CASQ2: variants seen among roughly 807,000 people sequenced by gnomAD.
CASQ2 encodes calsequestrin 2.
A neutral mutation model predicts 46.5 loss-of-function variants in CASQ2; 49 were observed. The ratio of observed to expected loss-of-function variants is 1.05; its 90% CI spans 0.84 to 1.34. CASQ2 has a LOEUF of 1.34. CASQ2 is among the 40% of genes most tolerant of loss of function. The probability of loss-of-function intolerance (pLI) is 0.00; values close to 1 mark genes in which losing one functional copy is unlikely to be tolerated. For synonymous variants in CASQ2, 174 were observed against 168.5 expected (o/e 1.03, Z -0.25); for missense variants, 486 against 481.3 (o/e 1.01, Z -0.09).
chr1:115,718,258 A>G (rs1442893874), intron 7 of CASQ2, among the ~76,000 whole-genome samples: 1 of 152,244 alleles, frequency 6.6e-6, no homozygotes, highest in African/African-American at 2.4e-5. Flanking sequence ...CTGGTTTATC[A>G]GGAGATCTGA....
At chr1:115,742,802 G>C (rs937368516) in intron 2 of CASQ2, among the ~76,000 whole-genome samples, 11 of 145,120 alleles carry the variant, frequency 7.6e-5, no homozygotes, top group Non-Finnish European at 1.6e-4. Flanking sequence ...TTGTTTGTTT[G>C]TTTTGAGATG....
intron 1 of CASQ2, among the ~76,000 whole-genome samples, chr1:115,749,201 A>T (rs1196623809): frequency 6.6e-6 from 1 of 152,232 alleles, no homozygotes; most frequent in Non-Finnish European, 1.5e-5. Context: ...ACATAAAATA[A>T]GAAGTTAACT....
chr1:115,715,643 A>T (rs997645578), intron 8 of CASQ2, among the ~76,000 whole-genome samples: 1 of 152,244 alleles, frequency 6.6e-6, no homozygotes, highest in African/African-American at 2.4e-5. Context: ...TGAATGTCCT[A>T]AAAACCACTG....
At chr1:115,719,346 C>T (rs1455882436) in intron 7 of CASQ2, among the ~76,000 whole-genome samples, 1 of 152,142 alleles carries the variant, frequency 6.6e-6, no homozygotes, top group Non-Finnish European at 1.5e-5. Flanking sequence ...ACAGAATATC[C>T]CGATCAGTTC....
chr1:115,762,998 T>C (rs976436575), intron 1 of CASQ2, among the ~76,000 whole-genome samples: 1 of 152,192 alleles, frequency 6.6e-6, no homozygotes, highest in South Asian at 2.1e-4. Context: ...CCAGTGCATT[T>C]ATTTAGTTGT....
chr1:115,745,354 A>G (rs9887914), intron 1 of CASQ2, among the ~76,000 whole-genome samples: 41,556 of 140,366 alleles, frequency 0.3, 6,073 homozygotes, highest in East Asian at 0.45. Context: ...CAATATCCAA[A>G]CATTGCGCTC....
At chr1:115,762,072 C>T (rs1447042151) in intron 1 of CASQ2, among the ~76,000 whole-genome samples, 1 of 152,170 alleles carries the variant, frequency 6.6e-6, no homozygotes, top group African/African-American at 2.4e-5. Context: ...CAAGTGTACA[C>T]CGGGCAGCAG....
chr1:115,738,554 T>C (rs756191498), intron 3 of CASQ2, among the ~76,000 whole-genome samples: 15 of 152,190 alleles, frequency 9.9e-5, no homozygotes, highest in Non-Finnish European at 1.9e-4. Flanking sequence ...GGGCAACCTA[T>C]TCCTTTTGCC....
chr1:115,757,591 G>A (rs1480112481), intron 1 of CASQ2, among the ~76,000 whole-genome samples: 1 of 152,124 alleles, frequency 6.6e-6, no homozygotes, highest in Non-Finnish European at 1.5e-5. Context: ...CTTGGGGTTT[G>A]GAAATGCAAC....
chr1:115,711,725 G>A (rs1034383316), intron 8 of CASQ2, among the ~76,000 whole-genome samples: 5 of 151,926 alleles, frequency 3.3e-5, no homozygotes, highest in African/African-American at 1.2e-4. Flanking sequence ...TGTGGTCTCG[G>A]CTCACTGCAA....
intron 10 of CASQ2, 111 bp from the exon 11 acceptor site, chr1:115,701,537 A>G (rs1347096740): frequency 1.3e-6 from 1 of 748,456 alleles, no homozygotes; most frequent in East Asian, 2.6e-5. Context: ...TCTTACACTT[A>G]TTAGGAACGT....
At chr1:115,705,108 G>T in intron 9 of CASQ2, 84 bp downstream of exon 9, 1 of 903,570 alleles carries the variant, frequency 1.1e-6, no homozygotes, top group Non-Finnish European at 1.9e-6. Flanking sequence ...AAGTGCCCCT[G>T]CCTATTTCAC....
At chr1:115,733,684 C>G (rs1418490356) in intron 4 of CASQ2, among the ~76,000 whole-genome samples, 1 of 152,030 alleles carries the variant, frequency 6.6e-6, no homozygotes, top group Non-Finnish European at 1.5e-5. Context: ...GATTTGTCCT[C>G]AAACCTTAGT....
intron 7 of CASQ2, among the ~76,000 whole-genome samples, 189 bp downstream of exon 7, chr1:115,725,319 G>C (rs752163682): frequency 6.6e-6 from 1 of 151,962 alleles, no homozygotes; most frequent in Admixed American, 6.6e-5. Flanking sequence ...CCCTGGCCCC[G>C]GCCTCCCAGA....
At chr1:115,757,591 G>C (rs1480112481) in intron 1 of CASQ2, among the ~76,000 whole-genome samples, 1 of 152,242 alleles carries the variant, frequency 6.6e-6, no homozygotes, top group Non-Finnish European at 1.5e-5. Flanking sequence ...CTTGGGGTTT[G>C]GAAATGCAAC....
At position 115,744,905 on chromosome 1, in the gene CASQ2, G is replaced by GC; in HGVS notation, c.241dup (p.Ala81GlyfsTer5). The GC allele has an allele frequency of 6.2e-7, 1 of 1,612,012 alleles. No homozygotes were observed. The highest frequency in any genetic ancestry group is 8.5e-7 in the Non-Finnish European group (1 of 1,178,336). On this transcript the variant is annotated frameshift_variant, in exon 2 of 11. Transcript: ENST00000261448. LOFTEE classifies it high-confidence loss of function. ...TATAGCTTTATGTTCAAGGACCTGG[G>GC]CCACAAGCTGAAGAAACAAATGGAA...
In CASQ2 at chr1:115,768,566, C is replaced by T; in HGVS notation, c.-25G>A. Reference sequence around the variant, plus strand: ...TTTGGGAAAACTTTTGTTTCTCGTTCCCAAATATGCTGTGTGCAGAATAGA... The same window carrying T: ...TTTGGGAAAACTTTTGTTTCTCGTTTCCAAATATGCTGTGTGCAGAATAGA... On this transcript the variant is annotated 5_prime_UTR_variant, in exon 1 of 11. Transcript: ENST00000261448. The T allele has an allele frequency of 6.9e-7, 1 of 1,457,448 alleles. No homozygotes were observed. The allele number at this position is 1,457,448 out of a possible 1,614,324, so 90.3% of individuals were successfully genotyped here.
Position 115,761,528 on chromosome 1 carries a change from A to AGAAGAAGAAGAAGAAGAAG in CASQ2, c.234+6779_234+6780insCTTCTTCTTCTTCTTCTTC, listed in dbSNP as rs1553197305. On this transcript the variant is annotated intron_variant, in intron 1 of 10. Coordinates refer to ENST00000261448, the MANE Select transcript of CASQ2 (RefSeq NM_001232.4). ...AAGAAGAAGAAGAAGAAGAAGAAGA[A>AGAAGAAGAAGAAGAAGAAG]GAGTTCATAAAGTGCACATGAGTCT... Among the ~76,000 whole-genome samples, 140 of 78,780 alleles carry AGAAGAAGAAGAAGAAGAAG rather than the reference A, an allele frequency of 1.8e-3. 11 individuals carry two copies. The highest frequency in any genetic ancestry group is 3.1e-3 in the East Asian group (5 of 1,614). 51.7% of individuals were successfully genotyped at this position (78,780 alleles called of 152,430 possible).
At chr1:115,761,497 G>GAAGA (rs1648956584) in intron 1 of CASQ2, among the ~76,000 whole-genome samples, 10 of 18,960 alleles carry the variant, frequency 5.3e-4, no homozygotes, top group Non-Finnish European at 8.5e-4. Flanking sequence ...GGAGAAGAAG[G>GAAGA]AGAAGAAGAA....
Sources: gnomAD v4.1 joint callset for allele counts (sites outside exome capture counted in the v4.1 genomes callset) on GRCh38, gnomAD v4.1.1 for gene constraint, MANE v1.5 for transcripts, NCBI Gene and HGNC (gene_info 2026-07-23, HGNC 2026-07-21) for gene names.